The following TASP1 variants were observed in gnomAD, a reference collection of about 807,000 sequenced individuals.
TASP1 encodes the protein taspase 1, also known as threonine aspartase 1.
TASP1 carries 16 observed loss-of-function variants against 56.6 expected under a neutral mutation model. That is an observed-to-expected ratio of 0.28 (90% CI 0.19 to 0.43). The LOEUF (loss-of-function observed/expected upper bound fraction) is 0.43. TASP1 is among the 20% of genes least tolerant of loss of function. TASP1 has a pLI of 1.00. For synonymous variants in TASP1, 179 were observed against 184.2 expected (o/e 0.97, Z 0.23); for missense variants, 393 against 511.6 (o/e 0.77, Z 2.24).
At chr20:13,590,752 G>C (rs982945023) in intron 4 of TASP1, among the ~76,000 whole-genome samples, 1 of 152,042 alleles carries the variant, frequency 6.6e-6, no homozygotes, top group African/African-American at 2.4e-5. Flanking sequence ...TGTAATCCCA[G>C]CTACTCAGGA....
the TASP1 span, among the ~76,000 whole-genome samples, chr20:13,317,700 T>C: frequency 6.6e-6 from 1 of 152,156 alleles, no homozygotes; most frequent in African/African-American, 2.4e-5. Context: ...GAAAGGAGTT[T>C]CTTTAATAAG....
the TASP1 span, among the ~76,000 whole-genome samples, chr20:13,377,394 G>A: frequency 6.6e-6 from 1 of 152,228 alleles, no homozygotes; most frequent in African/African-American, 2.4e-5. Flanking sequence ...TGTGTATGTT[G>A]AATCAGCCTT....
At chr20:13,619,465 T>C (rs112139429) in intron 4 of TASP1, among the ~76,000 whole-genome samples, 82 of 152,316 alleles carry the variant, frequency 5.4e-4, no homozygotes, top group African/African-American at 1.9e-3. Context: ...CAGTATTTTA[T>C]AAATAGTTCA....
At chr20:13,134,995 A>G in the TASP1 span, among the ~76,000 whole-genome samples, 1 of 152,210 alleles carries the variant, frequency 6.6e-6, no homozygotes, top group East Asian at 1.9e-4. Flanking sequence ...TGTGCCTCAC[A>G]ACAGTCACTC....
At chr20:13,319,040 T>C in the TASP1 span, among the ~76,000 whole-genome samples, 1 of 152,174 alleles carries the variant, frequency 6.6e-6, no homozygotes, top group African/African-American at 2.4e-5. Flanking sequence ...GATGTGTCAA[T>C]GTAGGTTCAT....
chr20:13,376,887 G>A, the TASP1 span, among the ~76,000 whole-genome samples: 2 of 152,154 alleles, frequency 1.3e-5, no homozygotes, highest in South Asian at 2.1e-4. Flanking sequence ...CTTATTATTG[G>A]TGTATAGGAA....
chr20:13,191,233 T>A, the TASP1 span, among the ~76,000 whole-genome samples: 15 of 152,174 alleles, frequency 9.9e-5, no homozygotes, highest in Admixed American at 9.8e-4. Context: ...GCAATACCAT[T>A]ACTGAGTATA....
chr20:13,298,296 G>A, the TASP1 span, among the ~76,000 whole-genome samples: 6 of 152,068 alleles, frequency 3.9e-5, no homozygotes, highest in Non-Finnish European at 5.9e-5. Context: ...TAGTAGAGAC[G>A]GGGTTTCACC....
intron 9 of TASP1, among the ~76,000 whole-genome samples, chr20:13,532,751 A>G (rs897487870): frequency 3.9e-5 from 6 of 152,190 alleles, no homozygotes; most frequent in Admixed American, 6.5e-5. Flanking sequence ...AAACAGTGAG[A>G]AAGTCATGGG....
chr20:13,534,199 G>A, intron 8 of TASP1, 58 bp from the exon 9 acceptor site: 1 of 1,597,672 alleles, frequency 6.3e-7, no homozygotes, highest in East Asian at 2.2e-5. Flanking sequence ...AATCTGATAT[G>A]ACTACATAGC....
chr20:13,285,373 G>A, the TASP1 span, among the ~76,000 whole-genome samples: 1 of 152,192 alleles, frequency 6.6e-6, no homozygotes, highest in Non-Finnish European at 1.5e-5. Context: ...TCACAAGTCC[G>A]TGGGTTGTCT....
At chr20:13,293,085 A>G in the TASP1 span, among the ~76,000 whole-genome samples, 3 of 151,986 alleles carry the variant, frequency 2.0e-5, no homozygotes, top group Admixed American at 2.0e-4. Flanking sequence ...CTGTAGTCCC[A>G]GCTACTCGGG....
At chr20:13,600,549 C>T (rs2047917160) in intron 4 of TASP1, 1 of 152,130 alleles carries the variant, frequency 6.6e-6, no homozygotes, top group Non-Finnish European at 1.5e-5. Flanking sequence ...TTACCTCACA[C>T]TAGAATTCAG....
intron 9 of TASP1, among the ~76,000 whole-genome samples, chr20:13,531,196 G>A (rs34276759): frequency 0.019 from 2,889 of 152,192 alleles, 42 homozygotes; most frequent in Middle Eastern, 0.061. Context: ...TAAGGTAGCC[G>A]GTTATCCCCA....
At chr20:13,285,608 T>A in the TASP1 span, among the ~76,000 whole-genome samples, 1 of 152,206 alleles carries the variant, frequency 6.6e-6, no homozygotes, top group African/African-American at 2.4e-5. Flanking sequence ...ATACCTCAGC[T>A]GGCATCCTAT....
At chr20:13,600,593 C>T (rs1461433242) in intron 4 of TASP1, 2 of 152,144 alleles carry the variant, frequency 1.3e-5, no homozygotes, top group African/African-American at 2.4e-5. Flanking sequence ...CATACACCTA[C>T]ATGTAGGGGT....
chr20:13,577,181 A>G (rs1239490762), intron 6 of TASP1, among the ~76,000 whole-genome samples: 1 of 152,136 alleles, frequency 6.6e-6, no homozygotes, highest in Non-Finnish European at 1.5e-5. Context: ...ATCTCTTCTA[A>G]CTTTGGAAAG....
chr20:13,559,134 A>T lies in TASP1; in HGVS notation c.569-20T>A. ...TGAATCCTATAAAATAAAAATAAAAAACATTAAATATAACATTTAAGAAAT... is the reference window on the plus strand; with the variant it reads ...TGAATCCTATAAAATAAAAATAAAATACATTAAATATAACATTTAAGAAAT... On this transcript the variant is annotated intron_variant, in intron 7 of 13. Transcript: ENST00000337743. 4 of 1,445,834 alleles carry T rather than the reference A, an allele frequency of 2.8e-6. No homozygotes were observed. Among genetic ancestry groups the T allele is most frequent in the Non-Finnish European group, 3.7e-6 (4 of 1,070,910 alleles). The allele number at this position is 1,445,834 out of a possible 1,614,324, so 89.6% of individuals were successfully genotyped here.
intron 12 of TASP1, among the ~76,000 whole-genome samples, chr20:13,421,953 CT>C (rs1179688722): frequency 1.5e-3 from 209 of 138,944 alleles, no homozygotes; most frequent in Non-Finnish European, 1.6e-3. Context: ...TCTGTTTAAC[CT>C]TTTTTTTTTT....
Sources: gnomAD v4.1 joint callset for allele counts (sites outside exome capture counted in the v4.1 genomes callset) on GRCh38, gnomAD v4.1.1 for gene constraint, MANE v1.5 for transcripts, NCBI Gene and HGNC (gene_info 2026-07-23, HGNC 2026-07-21) for gene names.